Variants in TRIM8 observed in about 807,000 individuals in gnomAD.
The protein encoded by TRIM8 is E3 ubiquitin-protein ligase TRIM8.
TRIM8 carries 9 observed loss-of-function variants against 55.7 expected under a neutral mutation model. That is an observed-to-expected ratio of 0.16 (90% confidence interval 0.10 to 0.28). The LOEUF (loss-of-function observed/expected upper bound fraction) is 0.28. TRIM8 is among the 10% of genes least tolerant of loss of function. TRIM8 has a pLI of 1.00. For synonymous variants in TRIM8, 335 were observed against 333.3 expected (o/e 1.01, Z -0.06); for missense variants, 556 against 736.4 (o/e 0.76, Z 2.83).
chr10:102,646,038 G>T (rs1325772472), intron 1 of TRIM8, among the ~76,000 whole-genome samples: 1 of 152,218 alleles, frequency 6.6e-6, no homozygotes, highest in Non-Finnish European at 1.5e-5. Context: ...CCCCTGGGCT[G>T]CCGGCTGGGT....
intron 1 of TRIM8, among the ~76,000 whole-genome samples, chr10:102,648,299 G>A (rs759891652): frequency 2.0e-5 from 3 of 152,174 alleles, no homozygotes; most frequent in Non-Finnish European, 4.4e-5. Flanking sequence ...ATGGAAAGAA[G>A]ACCCAAGAGC....
In TRIM8 at chr10:102,657,073, C is replaced by A. The variant is rs866294686; in HGVS notation, c.1375C>A (p.Gln459Lys). ...CGCCGCCCAGCAGCCCATGCTCCCC[C>A]AGTATGGCGGCCGCAAGATTCTCGT... The part of the protein sequence containing the change: ...GSAAQQPMLP[Q>K]YGGRKILVCS... The change falls in exon 6 of 6, where the codon CAG (glutamine) becomes AAG (lysine). Residue 459 changes from glutamine (Q) to lysine (K), a missense_variant. Around this residue, in one of 2 missense-constraint regions of TRIM8, gnomAD observed 391 missense variants for 441.0 expected, o/e 0.89. Coordinates refer to ENST00000643721, the MANE Select transcript of TRIM8 (RefSeq NM_030912.3). The A allele has an allele frequency of 3.7e-6, 6 of 1,613,644 alleles. No homozygotes were observed. The highest frequency in any genetic ancestry group is 5.1e-6 in the Non-Finnish European group (6 of 1,179,994).
intron 1 of TRIM8, among the ~76,000 whole-genome samples, chr10:102,653,079 A>C (rs2063997734): frequency 6.6e-6 from 1 of 152,222 alleles, no homozygotes; most frequent in African/African-American, 2.4e-5. Flanking sequence ...GATTACAGGC[A>C]TGAGCCACAG....
intron 1 of TRIM8, chr10:102,645,570 T>C (rs2063927685): frequency 5.4e-6 from 1 of 183,682 alleles, no homozygotes; most frequent in Admixed American, 6.1e-5. Flanking sequence ...AGCTGCTGTT[T>C]ATGTAATGAG....
chr10:102,644,605 G>A lies in TRIM8; in HGVS notation c.-13G>A, dbSNP rs1353699913. The A allele has an allele frequency of 6.2e-7, 1 of 1,609,214 alleles. No homozygotes were observed. The highest frequency in any genetic ancestry group is 8.5e-7 in the Non-Finnish European group (1 of 1,178,470). ...TCGGGGAGGCCTGCCCCGGCCCCCTGCCCGCGGCCGCCATGGCGGAGAATT... is the reference window on the plus strand; with the variant it reads ...TCGGGGAGGCCTGCCCCGGCCCCCTACCCGCGGCCGCCATGGCGGAGAATT... On this transcript the variant is annotated 5_prime_UTR_variant, in exon 1 of 6. Coordinates refer to ENST00000643721, the MANE Select transcript of TRIM8 (RefSeq NM_030912.3).
At position 102,656,606 on chromosome 10, in the gene TRIM8, AT is replaced by A; in HGVS notation, c.1049-140del. The A allele has an allele frequency of 1.5e-6, 2 of 1,374,254 alleles. No homozygotes were observed. The highest frequency in any genetic ancestry group is 2.0e-6 in the Non-Finnish European group (2 of 1,016,352). 85.1% of individuals were successfully genotyped at this position (1,374,254 alleles called of 1,614,324 possible). A position where few individuals can be genotyped will look rare whatever the true frequency, so the allele number is the denominator to read the frequency against. ...GGATATAACTATTCTGTACCTCCTA[AT>A]GGTAGAGGAGCAAGCATCACCTGAG... On this transcript the variant is annotated intron_variant, in intron 5 of 5. Coordinates refer to ENST00000643721, the MANE Select transcript of TRIM8 (RefSeq NM_030912.3). The surrounding 1 kb of genome is among the most constrained non-coding windows in gnomAD (Gnocchi z 4.6).
chr10:102,654,913 C>T, intron 2 of TRIM8, 165 bp downstream of exon 2: 3 of 936,284 alleles, frequency 3.2e-6, no homozygotes, highest in Admixed American at 2.1e-5. Context: ...GATGCTGGCC[C>T]AGAGCCCTGT....
At position 102,654,273 on chromosome 10, in the gene TRIM8, A is replaced by G. The variant is rs376901634; in HGVS notation, c.571-380A>G. On this transcript the variant is annotated intron_variant, in intron 1 of 5. Coordinates refer to ENST00000643721, the MANE Select transcript of TRIM8 (RefSeq NM_030912.3). ...AACATGGTGAAACCCCGTCTCTACT[A>G]AAACTACAAAAAAATTAGCTGGGCG... The G allele has an allele frequency of 3.4e-5, 6 of 174,982 alleles. No individual in the cohort carries two copies. In the South Asian group the frequency reaches 6.9e-4, roughly 20 times the overall value. 10.8% of individuals were successfully genotyped at this position (174,982 alleles called of 1,614,324 possible).
chr10:102,645,218 C>A, intron 1 of TRIM8, 31 bp downstream of exon 1: 1 of 1,507,410 alleles, frequency 6.6e-7, no homozygotes, highest in Non-Finnish European at 8.8e-7. Flanking sequence ...CGCGCACACA[C>A]ACACACACAG....
Position 102,644,736 on chromosome 10 carries a change from G to C in TRIM8, c.119G>C (p.Gly40Ala). 6.2e-7 allele frequency: 1 copy of C among 1,613,316 alleles called. No homozygotes were observed. The highest frequency in any genetic ancestry group is 2.2e-5 in the East Asian group (1 of 44,880). ...CACAACTTCTGCCGGGGCTGCATCG[G>C]CGAGGCGTGGGCCAAGGACAGCGGC... ...CKHNFCRGCI[G>A]EAWAKDSGLV... Residue 40 changes from glycine to alanine, a missense_variant, in exon 1 of 6, where the codon GGC becomes GCC. Coordinates refer to ENST00000643721, the MANE Select transcript of TRIM8 (RefSeq NM_030912.3).
chr10:102,647,978 C>T (rs1446506596), intron 1 of TRIM8, among the ~76,000 whole-genome samples: 1 of 152,220 alleles, frequency 6.6e-6, no homozygotes, highest in Non-Finnish European at 1.5e-5. Context: ...GGGGGACTCT[C>T]AGAATCAGGC....
At position 102,644,918 on chromosome 10, in the gene TRIM8, C is replaced by A; in HGVS notation, c.301C>A (p.Leu101Met). 6.2e-7 allele frequency: 1 copy of A among 1,605,806 alleles called. No homozygotes were observed. ...HCVFCRRGPPLPAQKVCLRCE... is the reference protein window; with the variant it reads ...HCVFCRRGPPMPAQKVCLRCE... ...CGTGTTCTGCCGCCGCGGCCCCCCGCTGCCCGCGCAGAAGGTCTGCCTGCG... is the reference window on the plus strand; with the variant it reads ...CGTGTTCTGCCGCCGCGGCCCCCCGATGCCCGCGCAGAAGGTCTGCCTGCG... Residue 101 changes from leucine (L) to methionine (M), a missense_variant, in exon 1 of 6, where the codon CTG (leucine) becomes ATG (methionine). Physicochemically the swap from Leu to Met is conservative, Grantham distance 15 (BLOSUM62 2). Around this residue, in one of 2 missense-constraint regions of TRIM8, gnomAD observed 165 missense variants for 295.3 expected, o/e 0.56. Coordinates refer to ENST00000643721, the MANE Select transcript of TRIM8 (RefSeq NM_030912.3).
At chr10:102,650,794 G>C (rs868472548) in intron 1 of TRIM8, among the ~76,000 whole-genome samples, 5 of 152,176 alleles carry the variant, frequency 3.3e-5, no homozygotes, top group Non-Finnish European at 4.4e-5. Flanking sequence ...GGCAGGTGGG[G>C]GTTGGGATGG....
intron 1 of TRIM8, among the ~76,000 whole-genome samples, chr10:102,647,954 C>T (rs1325302329): frequency 6.6e-6 from 1 of 152,220 alleles, no homozygotes; most frequent in Non-Finnish European, 1.5e-5. Flanking sequence ...TCCATCCATC[C>T]TGGGGAACTA....
intron 1 of TRIM8, among the ~76,000 whole-genome samples, chr10:102,648,646 C>T (rs1247722460): frequency 6.6e-6 from 1 of 152,140 alleles, no homozygotes; most frequent in African/African-American, 2.4e-5. Flanking sequence ...TTATCTGTCT[C>T]TGAGTACGCA....
intron 1 of TRIM8, among the ~76,000 whole-genome samples, chr10:102,648,525 G>C (rs145970783): frequency 2.0e-5 from 3 of 152,292 alleles, no homozygotes; most frequent in Non-Finnish European, 2.9e-5. Flanking sequence ...CCCACTGCTT[G>C]GGCCAGTGTG....
In TRIM8 at chr10:102,656,167, G is replaced by A; in HGVS notation, c.932+30G>A. 3 of 1,614,146 alleles carry A rather than the reference G, an allele frequency of 1.9e-6. No homozygotes were observed. Among genetic ancestry groups the A allele is most frequent in the Non-Finnish European group, 2.5e-6 (3 of 1,180,014 alleles). On this transcript the variant is annotated intron_variant, in intron 4 of 5. Coordinates refer to ENST00000643721, the MANE Select transcript of TRIM8 (RefSeq NM_030912.3). The surrounding 1 kb of genome is among the most constrained non-coding windows in gnomAD (Gnocchi z 4.6). ...GCTGAGGGCCCTAGCCCTCCCGGGG[G>A]CACATCCTGGGGAGGGCAGGGGGGC...
At position 102,654,390 on chromosome 10, in the gene TRIM8, T is replaced by C; in HGVS notation, c.571-263T>C. ...AGGCGGAGGTTACAGTGAGCCGAGA[T>C]CGCACCACTGCACTCCAGCCTGGGC... On this transcript the variant is annotated intron_variant, in intron 1 of 5. Coordinates refer to ENST00000643721, the MANE Select transcript of TRIM8 (RefSeq NM_030912.3). 1.5e-5 allele frequency: 5 copies of C among 341,838 alleles called. 1 individual carries two copies. Among genetic ancestry groups the C allele is most frequent in the Non-Finnish European group, 2.7e-5 (5 of 182,916 alleles). 21.2% of individuals were successfully genotyped at this position (341,838 alleles called of 1,614,324 possible). A position where few individuals can be genotyped will look rare whatever the true frequency, so the allele number is the denominator to read the frequency against.
intron 3 of TRIM8, among the ~76,000 whole-genome samples, chr10:102,655,765 C>A (rs942419183): frequency 2.3e-4 from 35 of 152,178 alleles, no homozygotes; most frequent in African/African-American, 7.5e-4. Context: ...GCACTGTATT[C>A]TCCGTCTAAA....
Sources: allele counts gnomAD v4.1 joint callset (sites outside exome capture counted in the v4.1 genomes callset), GRCh38; gene constraint gnomAD v4.1.1; regional missense constraint gnomAD v4.1.1; non-coding constraint Gnocchi (gnomAD v3.1); transcripts MANE v1.5; gene names NCBI Gene and HGNC (gene_info 2026-07-23, HGNC 2026-07-21).